Variants in KIAA1210 observed in about 807,000 individuals in gnomAD.
The protein encoded by KIAA1210 is KIAA1210.
A neutral mutation model predicts 78.9 loss-of-function variants in KIAA1210; 48 were observed. The observed-to-expected ratio is 0.61, with a 90% confidence interval of 0.48 to 0.77. The LOEUF (loss-of-function observed/expected upper bound fraction) is 0.77, where lower values mean the gene tolerates loss of function less well. Among genes scored for constraint, KIAA1210 ranks in the 30% least tolerant of loss-of-function variants. The pLI is 0.00. For missense variants in KIAA1210, 1,108 were observed against 1,100.0 expected, an observed-to-expected ratio of 1.01 and a Z score of -0.10; for synonymous variants, 406 against 404.5, an observed-to-expected ratio of 1.00 and a Z score of -0.04.
chrX:119,150,718 G>GC (rs1446341566), upstream of KIAA1210: 1 of 655,744 alleles, frequency 1.5e-6, no homozygotes, highest in African/African-American at 2.2e-5. Flanking sequence ...GGAGGGCACC[G>GC]CCCCCAACCA....
At chrX:119,142,627 A>G (rs1166409747) in intron 2 of KIAA1210, among the ~76,000 whole-genome samples, 2 of 109,290 alleles carry the variant, frequency 1.8e-5, no homozygotes, top group African/African-American at 6.7e-5. Flanking sequence ...AAAATACAAA[A>G]TTAACTGGGC....
At chrX:119,140,582 C>T (rs1415088826) in intron 2 of KIAA1210, among the ~76,000 whole-genome samples, 1 of 106,310 alleles carries the variant, frequency 9.4e-6, no homozygotes, top group Non-Finnish European at 1.9e-5. Flanking sequence ...ACTAAAAATT[C>T]CCTACTCATT....
At chrX:119,147,249 G>C (rs998485809) in intron 2 of KIAA1210, among the ~76,000 whole-genome samples, 1 of 111,229 alleles carries the variant, frequency 9.0e-6, no homozygotes, top group African/African-American at 3.3e-5. Context: ...GGATTCCAGG[G>C]GGCTGCTCAG....
intron 2 of KIAA1210, among the ~76,000 whole-genome samples, chrX:119,137,880 G>A (rs1400757083): frequency 8.9e-6 from 1 of 111,761 alleles, no homozygotes; most frequent in African/African-American, 3.3e-5. Flanking sequence ...TTACATGTGT[G>A]GTACAGGGGG....
intron 2 of KIAA1210, among the ~76,000 whole-genome samples, chrX:119,133,557 C>T (rs1410972936): frequency 8.9e-6 from 1 of 111,992 alleles, no homozygotes; most frequent in Admixed American, 9.5e-5. Flanking sequence ...AGCCCAGGGC[C>T]AGCTAGCTAG....
intron 3 of KIAA1210, among the ~76,000 whole-genome samples, chrX:119,110,933 C>A: frequency 9.7e-6 from 1 of 103,586 alleles, no homozygotes; most frequent in African/African-American, 3.5e-5. Context: ...TTTTTTTTTT[C>A]CAGAAAATTG....
At chrX:119,119,570 C>A (rs1324928512) in intron 2 of KIAA1210, among the ~76,000 whole-genome samples, 2 of 112,389 alleles carry the variant, frequency 1.8e-5, no homozygotes, top group African/African-American at 6.5e-5. Context: ...TAAGGCTGGG[C>A]ATGGTGGCTC....
At chrX:119,083,196 T>C (rs773663479) in intron 10 of KIAA1210, 76 bp from the exon 11 acceptor site, 5 of 740,625 alleles carry the variant, frequency 6.8e-6, no homozygotes, top group East Asian at 6.4e-5. Flanking sequence ...CAGAGGACCA[T>C]AGAGTGCAAG....
chrX:119,117,832 C>T (rs376084941), intron 2 of KIAA1210, among the ~76,000 whole-genome samples: 6 of 110,760 alleles, frequency 5.4e-5, no homozygotes, highest in East Asian at 5.7e-4. Context: ...GTCTCAAACG[C>T]GAACTCTTGG....
At chrX:119,105,565 C>A (rs1344998166) in intron 5 of KIAA1210, among the ~76,000 whole-genome samples, 1 of 112,083 alleles carries the variant, frequency 8.9e-6, no homozygotes, top group Non-Finnish European at 1.9e-5. Flanking sequence ...TGAGTTATGA[C>A]CTGGAATTGG....
intron 7 of KIAA1210, chrX:119,094,107 G>C (rs1432956289): frequency 9.0e-7 from 1 of 1,109,384 alleles, no homozygotes; most frequent in Admixed American, 2.2e-5. Context: ...CTGAAAACGG[G>C]GTCATTGGGC....
At chrX:119,097,624 C>A (rs756325987) in intron 6 of KIAA1210, among the ~76,000 whole-genome samples, 1 of 112,156 alleles carries the variant, frequency 8.9e-6, no homozygotes, top group East Asian at 2.8e-4. Flanking sequence ...GCCAGGTATC[C>A]CCTTGGTACT....
At chrX:119,128,090 A>G (rs1200664412), upstream of KIAA1210, among the ~76,000 whole-genome samples, 1 of 111,393 alleles carries the variant, frequency 9.0e-6, no homozygotes, top group Non-Finnish European at 1.9e-5. Context: ...AGTTAACCTG[A>G]GCAGAATTGC....
At position 119,082,927 on chromosome X, in the gene KIAA1210, G is replaced by A. The variant is rs776874598; in HGVS notation, c.4426+88C>T. 9.2e-6 allele frequency: 5 copies of A among 541,099 alleles called. No individual in the cohort carries two copies. In the South Asian group the frequency reaches 1.7e-4, roughly 18 times the overall value. 44.6% of individuals were successfully genotyped at this position (541,099 alleles called of 1,213,427 possible). A position where few individuals can be genotyped will look rare whatever the true frequency, so the allele number is the denominator to read the frequency against. ...ATCATTAAGCTGACTTAAGGTAAGA[G>A]ACAAGTATTATCTGAGCTTGAAATT... On this transcript the variant is annotated intron_variant, in intron 11 of 11. Coordinates refer to ENST00000691062, the MANE Select transcript of KIAA1210 (RefSeq NM_001394962.1).
intron 7 of KIAA1210, among the ~76,000 whole-genome samples, chrX:119,095,669 T>C (rs945752202): frequency 3.5e-5 from 4 of 112,747 alleles, no homozygotes; most frequent in Non-Finnish European, 7.5e-5. Context: ...ATTACAGGCA[T>C]GAACCATTGC....
At chrX:119,100,384 T>C (rs1240469146) in intron 6 of KIAA1210, among the ~76,000 whole-genome samples, 6 of 101,003 alleles carry the variant, frequency 5.9e-5, no homozygotes, top group African/African-American at 1.1e-4. Context: ...CAGGATTTTA[T>C]GAGTTGCCCA....
At chrX:119,138,012 T>G (rs1603272612) in intron 2 of KIAA1210, among the ~76,000 whole-genome samples, 1 of 110,606 alleles carries the variant, frequency 9.0e-6, no homozygotes, top group East Asian at 2.9e-4. Context: ...GATTTAGATG[T>G]AAATGAGGTC....
upstream of KIAA1210, among the ~76,000 whole-genome samples, chrX:119,132,060 C>T (rs1482236503): frequency 9.0e-6 from 1 of 111,489 alleles, no homozygotes; most frequent in African/African-American, 3.3e-5. Flanking sequence ...GAGACCCTGC[C>T]TCAGAGGGGG....
chrX:119,115,858 T>C (rs1356262426), intron 3 of KIAA1210, among the ~76,000 whole-genome samples: 1 of 111,904 alleles, frequency 8.9e-6, no homozygotes, highest in Non-Finnish European at 1.9e-5. Flanking sequence ...CAGTGGTAGC[T>C]GGAAACAGTC....
Sources: allele counts gnomAD v4.1 joint callset (sites outside exome capture counted in the v4.1 genomes callset), GRCh38; gene constraint gnomAD v4.1.1; transcripts MANE v1.5; gene names NCBI Gene and HGNC (gene_info 2026-07-23, HGNC 2026-07-21).